Variants in COL4A4 observed in about 807,000 individuals in gnomAD.
COL4A4 encodes the protein collagen alpha-4(IV) chain.
COL4A4 carries 105 observed loss-of-function variants against 192.9 expected under a neutral mutation model. The ratio of observed to expected loss-of-function variants is 0.54; its 90% CI spans 0.46 to 0.64. The LOEUF is 0.64. COL4A4 is among the 30% of genes least tolerant of loss of function. The pLI is 0.00. For synonymous variants in COL4A4, 762 were observed against 769.9 expected (o/e 0.99, Z 0.17); for missense variants, 1,967 against 2,169.3 (o/e 0.91, Z 1.85).
intron 42 of COL4A4, among the ~76,000 whole-genome samples, chr2:227,027,504 G>C (rs1967177158): frequency 7.9e-6 from 1 of 127,112 alleles, no homozygotes; most frequent in East Asian, 2.7e-4. Context: ...GGAGGGGGGA[G>C]GGATAGCATT....
chr2:227,025,680 C>T, intron 43 of COL4A4, 122 bp downstream of exon 43: 2 of 861,478 alleles, frequency 2.3e-6, no homozygotes, highest in Non-Finnish European at 1.9e-6. Flanking sequence ...AATATCCTTA[C>T]AGCACCCCAT....
chr2:227,117,942 T>C (rs971772583), intron 7 of COL4A4, among the ~76,000 whole-genome samples: 10 of 152,204 alleles, frequency 6.6e-5, no homozygotes, highest in Non-Finnish European at 1.5e-5. Flanking sequence ...CCAGACTCCT[T>C]TATAGCTGGA....
At chr2:227,102,256 T>C (rs938028747) in intron 15 of COL4A4, among the ~76,000 whole-genome samples, 1 of 152,248 alleles carries the variant, frequency 6.6e-6, no homozygotes, top group African/African-American at 2.4e-5. Flanking sequence ...TGGAAATTAA[T>C]AGTTGCTCTG....
At position 227,041,842 on chromosome 2, in the gene COL4A4, AAGAAAG is replaced by A. The variant is rs1272674798; in HGVS notation, c.3505+300_3505+305del. 9.4e-3 allele frequency among the ~76,000 whole-genome samples: 590 copies of A among 62,494 alleles called. 7 individuals are homozygous for A. Among genetic ancestry groups the A allele is most frequent in the South Asian group, 0.011 (18 of 1,616 alleles). 41.0% of individuals were successfully genotyped at this position (62,494 alleles called of 152,430 possible). A position where few individuals can be genotyped will look rare whatever the true frequency, so the allele number is the denominator to read the frequency against. On this transcript the variant is annotated intron_variant, in intron 37 of 47. Coordinates refer to ENST00000396625, the MANE Select transcript of COL4A4 (RefSeq NM_000092.5). The stretch of plus-strand genomic sequence containing the variant: ...AAAGAAAGAAAGAAAGAAAGAAAGA[AAGAAAG>A]AGAAAGAAAGAAAGAAAGAAAGAAA...
intron 4 of COL4A4, among the ~76,000 whole-genome samples, chr2:227,137,210 A>G (rs1040543449): frequency 6.6e-6 from 1 of 152,194 alleles, no homozygotes; most frequent in Non-Finnish European, 1.5e-5. Context: ...CCATCTACAC[A>G]TGCAATGCCT....
chr2:226,998,402 T>A (rs1300438439), downstream of COL4A4: 1 of 152,216 alleles, frequency 6.6e-6, no homozygotes, highest in Admixed American at 6.5e-5. Context: ...GAAATTGCAC[T>A]GCAAGGCAGG....
At chr2:227,098,995 G>A (rs186024003) in intron 18 of COL4A4, among the ~76,000 whole-genome samples, 197 bp from the exon 19 acceptor site, 3 of 152,296 alleles carry the variant, frequency 2.0e-5, no homozygotes, top group East Asian at 3.9e-4. Flanking sequence ...AACTTTGAAT[G>A]GGGTTCTTTG....
At chr2:227,075,518 C>A (rs2058976445) in intron 25 of COL4A4, among the ~76,000 whole-genome samples, 1 of 152,042 alleles carries the variant, frequency 6.6e-6, no homozygotes, top group African/African-American at 2.4e-5. Context: ...TATGACAAAC[C>A]CATAGGCAAT....
At chr2:227,011,035 G>A (rs1207078654) in intron 45 of COL4A4, among the ~76,000 whole-genome samples, 1 of 152,092 alleles carries the variant, frequency 6.6e-6, no homozygotes, top group Non-Finnish European at 1.5e-5. Flanking sequence ...TACAAGTTTG[G>A]CTCTCCTCTT....
chr2:227,097,773 C>A (rs1428746199), intron 19 of COL4A4, among the ~76,000 whole-genome samples: 1 of 152,190 alleles, frequency 6.6e-6, no homozygotes, highest in Admixed American at 6.5e-5. Flanking sequence ...TTGAATCCTG[C>A]AAACTGAAAG....
At chr2:227,160,011 C>A (rs1172590081) in intron 1 of COL4A4, among the ~76,000 whole-genome samples, 1 of 152,152 alleles carries the variant, frequency 6.6e-6, no homozygotes, top group African/African-American at 2.4e-5. Flanking sequence ...TAATCCTTGA[C>A]CTAGATCTTA....
rs1962061896 is a variant in COL4A4, at chr2:227,006,222, A to G, written c.*1103T>C. 1 of 152,512 alleles carries G rather than the reference A, an allele frequency of 6.6e-6. No homozygotes were observed. The highest frequency in any genetic ancestry group is 2.1e-4 in the South Asian group (1 of 4,824). 9.4% of individuals were successfully genotyped at this position (152,512 alleles called of 1,614,324 possible). On this transcript the variant is annotated 3_prime_UTR_variant, in exon 48 of 48. Coordinates refer to ENST00000396625, the MANE Select transcript of COL4A4 (RefSeq NM_000092.5). ...CTAAGTTTAATTAAATCGGCCCTTA[A>G]TTTTCTCCCAAGTGCATAATGATAG...
Position 227,006,808 on chromosome 2 carries a change from A to G in COL4A4, c.*517T>C, listed in dbSNP as rs1435876607. On this transcript the variant is annotated 3_prime_UTR_variant, in exon 48 of 48. Transcript: ENST00000396625. ...AAATCTCTCTTTGCGTCATGGTTTTACCATTATTTAAAGTATATGGAAAAA... is the reference window on the plus strand; with the variant it reads ...AAATCTCTCTTTGCGTCATGGTTTTGCCATTATTTAAAGTATATGGAAAAA... The G allele has an allele frequency of 6.5e-6, 1 of 154,610 alleles. No homozygotes were observed. Among genetic ancestry groups the G allele is most frequent in the Non-Finnish European group, 1.4e-5 (1 of 69,970 alleles). 9.6% of individuals were successfully genotyped at this position (154,610 alleles called of 1,614,324 possible). A position where few individuals can be genotyped will look rare whatever the true frequency, so the allele number is the denominator to read the frequency against.
At chr2:227,141,550 A>AT (rs948976776) in intron 3 of COL4A4, among the ~76,000 whole-genome samples, 1 of 152,180 alleles carries the variant, frequency 6.6e-6, no homozygotes, top group African/African-American at 2.4e-5. Flanking sequence ...GTTTAGGCTT[A>AT]TTTTTTGGAG....
intron 46 of COL4A4, among the ~76,000 whole-genome samples, chr2:227,008,971 C>G (rs201957091): frequency 6.6e-6 from 1 of 152,126 alleles, no homozygotes; most frequent in Non-Finnish European, 1.5e-5. Flanking sequence ...GATGTGTGCT[C>G]TGGTTAGACC....
chr2:226,998,703 A>G (rs1324132772), downstream of COL4A4: 2 of 152,130 alleles, frequency 1.3e-5, no homozygotes, highest in African/African-American at 2.4e-5. Context: ...TCAATTCTAC[A>G]TAACTCCAGC....
In COL4A4 at chr2:227,033,456, G is replaced by A. The variant is rs201699649; in HGVS notation, c.3531C>T (p.Asn1177=). The A allele has an allele frequency of 1.3e-4, 206 of 1,613,398 alleles. No homozygotes were observed. The highest frequency in any genetic ancestry group is 3.3e-4 in the East Asian group (15 of 44,896). ...TCTGACCTTTCAATCCATGCAAGCC[G>A]TTCAGGCCAGGTGATCCGGAGGGAC... ...IKGPSGSPGL[N]GLHGLKGQKG... The change falls in exon 38 of 48, where the codon AAC becomes AAT. Residue 1177 remains asparagine (N), a synonymous_variant. Coordinates refer to ENST00000396625, the MANE Select transcript of COL4A4 (RefSeq NM_000092.5).
In COL4A4 at chr2:227,009,179, CA is replaced by C. The variant is rs1962917927; in HGVS notation, c.4523-876del. On this transcript the variant is annotated intron_variant, in intron 46 of 47. Coordinates refer to ENST00000396625, the MANE Select transcript of COL4A4 (RefSeq NM_000092.5). ...CCAAGGGAGAAATGCAGGGGATGTACAAGTAGTTGCCAGCCCAGGCTTGCAC... is the reference window on the plus strand; with the variant it reads ...CCAAGGGAGAAATGCAGGGGATGTACAGTAGTTGCCAGCCCAGGCTTGCAC... 2.0e-5 allele frequency among the ~76,000 whole-genome samples: 3 copies of C among 152,312 alleles called. No individual in the cohort carries two copies. In the East Asian group the frequency reaches 5.8e-4, roughly 29 times the overall value.
chr2:227,102,833 C>A lies in COL4A4; in HGVS notation c.886G>T (p.Gly296Trp). 1 of 1,612,978 alleles carries A rather than the reference C, an allele frequency of 6.2e-7. No homozygotes were observed. The highest frequency in any genetic ancestry group is 8.5e-7 in the Non-Finnish European group (1 of 1,179,424). Reference sequence around the variant, plus strand: ...GGAATACCTTTTTCTCCTTTTGCCCCAATACCAGATTCTCCCTTTAAGAGA... The same window carrying A: ...GGAATACCTTTTTCTCCTTTTGCCCAAATACCAGATTCTCCCTTTAAGAGA... ...PPGRKGESGI[G>W]AKGEKGIPGF... The change falls in exon 15 of 48, where the codon GGG becomes TGG. Residue 296 changes from glycine (G) to tryptophan (W), a missense_variant. Gly to Trp is a radical substitution (Grantham distance 184). Coordinates refer to ENST00000396625, the MANE Select transcript of COL4A4 (RefSeq NM_000092.5).
Sources: gnomAD v4.1 joint callset for allele counts (sites outside exome capture counted in the v4.1 genomes callset) on GRCh38, gnomAD v4.1.1 for gene constraint, MANE v1.5 for transcripts, NCBI Gene and HGNC (gene_info 2026-07-23, HGNC 2026-07-21) for gene names.